Variants in C22orf31 observed in about 807,000 individuals in gnomAD.
C22orf31 encodes the protein uncharacterized protein C22orf31.
Under a neutral mutation model 15.0 loss-of-function variants are expected in C22orf31, and 11 were observed. That is an observed-to-expected ratio of 0.73 (90% confidence interval 0.46 to 1.21). The LOEUF is 1.21. C22orf31 is among the 50% of genes most tolerant of loss of function. C22orf31 has a pLI of 0.00. For missense variants in C22orf31, 340 were observed against 347.2 expected (o/e 0.98, Z 0.17); for synonymous variants, 132 against 133.3 (o/e 0.99, Z 0.07).
upstream of C22orf31, among the ~76,000 whole-genome samples, chr22:29,066,539 C>CTTTTTTT (rs134565): frequency 2.5e-3 from 179 of 70,210 alleles, 12 homozygotes; most frequent in Non-Finnish European, 3.3e-3. Context: ...CTTTTCTTTT[C>CTTTTTTT]TTTTTTTTTT....
At chr22:29,073,249 C>A in the C22orf31 span, 2 of 1,079,246 alleles carry the variant, frequency 1.9e-6, no homozygotes, top group South Asian at 8.9e-5. This position sits in a 1 kb window ranked among gnomAD's most constrained non-coding sequence, Gnocchi z 4.4. Flanking sequence ...CGACCCCCCG[C>A]CGCCCGCCCT....
chr22:29,068,759 CTTT>C, the C22orf31 span, among the ~76,000 whole-genome samples: 13,344 of 112,080 alleles, frequency 0.12, 686 homozygotes, highest in East Asian at 0.4. Flanking sequence ...CAACCTGGTA[CTTT>C]TTTTTTTTTT....
chr22:29,065,154 T>A (rs983713346), upstream of C22orf31, among the ~76,000 whole-genome samples: 5 of 152,236 alleles, frequency 3.3e-5, no homozygotes, highest in Middle Eastern at 6.8e-3. Context: ...CGCCTGACCA[T>A]GTGAATGTTA....
At chr22:29,060,871 T>A in intron 1 of C22orf31, 28 bp from the exon 2 acceptor site, 7 of 1,545,424 alleles carry the variant, frequency 4.5e-6, no homozygotes, top group Non-Finnish European at 6.2e-6. Context: ...GAGAAATGAA[T>A]TTTAAAAGGA....
upstream of C22orf31, among the ~76,000 whole-genome samples, chr22:29,064,726 A>G: frequency 1.1e-5 from 1 of 90,138 alleles, no homozygotes; most frequent in African/African-American, 4.1e-5. Flanking sequence ...TTTTTTGTAG[A>G]GATGAGGTCT....
chr22:29,070,991 G>A, the C22orf31 span, among the ~76,000 whole-genome samples: 2,659 of 152,330 alleles, frequency 0.017, 81 homozygotes, highest in African/African-American at 0.061. Flanking sequence ...TTTGGGCTGA[G>A]AGCTTCACCT....
chr22:29,067,500 G>A, the C22orf31 span, among the ~76,000 whole-genome samples: 3 of 151,912 alleles, frequency 2.0e-5, no homozygotes, highest in Admixed American at 2.0e-4. Flanking sequence ...AGAGTGCAGT[G>A]ACATGACCTT....
upstream of C22orf31, among the ~76,000 whole-genome samples, chr22:29,063,274 T>C (rs2037407994): frequency 6.6e-6 from 1 of 152,062 alleles, no homozygotes; most frequent in African/African-American, 2.4e-5. Context: ...CAAGCAATTC[T>C]CGTGCATCAG....
chr22:29,061,117 A>G (rs914541196), intron 1 of C22orf31, among the ~76,000 whole-genome samples: 23 of 152,162 alleles, frequency 1.5e-4, no homozygotes, highest in African/African-American at 4.8e-4. Context: ...AGGGTTCACA[A>G]GGAATTGAAG....
At chr22:29,060,340 C>G in intron 2 of C22orf31, 75 bp downstream of exon 2, 1 of 1,350,572 alleles carries the variant, frequency 7.4e-7, no homozygotes, top group Non-Finnish European at 1.0e-6. Context: ...TAATCTCAAC[C>G]GTTAAGTGTT....
the C22orf31 span, among the ~76,000 whole-genome samples, chr22:29,071,370 G>C: frequency 6.6e-6 from 1 of 152,210 alleles, no homozygotes; most frequent in East Asian, 1.9e-4. Flanking sequence ...TGCGCCCTTG[G>C]GGCCCGGCCC....
the C22orf31 span, chr22:29,073,029 G>A: frequency 5.4e-6 from 1 of 184,588 alleles, no homozygotes; most frequent in South Asian, 1.6e-4. This position sits in a 1 kb window ranked among gnomAD's most constrained non-coding sequence, Gnocchi z 4.4. Context: ...GCCGGGGCGG[G>A]GCTACACTCG....
chr22:29,071,743 C>A, the C22orf31 span, among the ~76,000 whole-genome samples: 82 of 152,212 alleles, frequency 5.4e-4, no homozygotes, highest in Middle Eastern at 3.4e-3. Context: ...CCGGGTGCGG[C>A]AGGGGAAGAC....
In C22orf31 at chr22:29,058,982, C is replaced by T. The variant is rs1375830165; in HGVS notation, c.633G>A (p.Glu211=). The T allele has an allele frequency of 6.2e-7, 1 of 1,614,182 alleles. No homozygotes were observed. The highest frequency in any genetic ancestry group is 1.1e-5 in the South Asian group (1 of 91,088). Residue 211 remains glutamate (E), a synonymous_variant, in exon 3 of 3, where the codon GAG becomes GAA. Coordinates refer to ENST00000216071, the MANE Select transcript of C22orf31 (RefSeq NM_015370.2). Reference sequence around the variant, plus strand: ...CAGCGTGGTACAGAGCCTGGTAACCCTCTGTGGGGAGACCATGGATGGTTA... The same window carrying T: ...CAGCGTGGTACAGAGCCTGGTAACCTTCTGTGGGGAGACCATGGATGGTTA... ...DTLTIHGLPT[E]GYQALYHAVV... is the part of the protein sequence containing the mutation.
At chr22:29,064,198 T>A (rs1393677625), upstream of C22orf31, among the ~76,000 whole-genome samples, 1 of 152,166 alleles carries the variant, frequency 6.6e-6, no homozygotes, top group Non-Finnish European at 1.5e-5. Flanking sequence ...CACTCACAGT[T>A]ATCACCGTGA....
At chr22:29,070,920 G>C in the C22orf31 span, among the ~76,000 whole-genome samples, 1 of 152,150 alleles carries the variant, frequency 6.6e-6, no homozygotes, top group East Asian at 1.9e-4. Flanking sequence ...CTCAGCCCTT[G>C]GCATGTTCCT....
At position 29,060,533 on chromosome 22, in the gene C22orf31, A is replaced by C. The variant is rs760356322; in HGVS notation, c.314T>G (p.Leu105Ter). 3 of 1,613,972 alleles carry C rather than the reference A, an allele frequency of 1.9e-6. No individual in the cohort carries two copies. Among genetic ancestry groups the C allele is most frequent in the East Asian group, 4.5e-5 (2 of 44,868 alleles). The change falls in exon 2 of 3, where the codon TTA (leucine) becomes TGA (stop). Residue 105 changes from leucine to a stop codon, truncating the protein, a stop_gained. Transcript: ENST00000216071. LOFTEE classifies it high-confidence loss of function. ...CATCACTGAATCGTCCTTGTGCTTT[A>C]ATCTCTTCGAGAGTTTTCCTTCTCC... ...KFGEGKLSKR[L>*]KHKDDSVMKA... is the part of the protein sequence containing the mutation.
the C22orf31 span, among the ~76,000 whole-genome samples, chr22:29,070,382 C>CA: frequency 6.6e-6 from 1 of 152,214 alleles, no homozygotes; most frequent in African/African-American, 2.4e-5. Flanking sequence ...GCTGCCAGCC[C>CA]AGGAGGGGTG....
the C22orf31 span, chr22:29,073,228 G>A: frequency 8.6e-7 from 1 of 1,160,562 alleles, no homozygotes; most frequent in Non-Finnish European, 1.1e-6. This position sits in a 1 kb window ranked among gnomAD's most constrained non-coding sequence, Gnocchi z 4.4. Context: ...CCCGGACCCG[G>A]TGAGTGTGAG....
Sources: allele counts gnomAD v4.1 joint callset (sites outside exome capture counted in the v4.1 genomes callset), GRCh38; gene constraint gnomAD v4.1.1; non-coding constraint Gnocchi (gnomAD v3.1); transcripts MANE v1.5; gene names NCBI Gene and HGNC (gene_info 2026-07-23, HGNC 2026-07-21).